OTOF: variants seen among roughly 807,000 people sequenced by gnomAD.
OTOF encodes fer-1-like family member 2.
Under a neutral mutation model 236.8 loss-of-function variants are expected in OTOF, and 218 were observed. The ratio of observed to expected loss-of-function variants is 0.92; its 90% CI spans 0.82 to 1.03. OTOF has a LOEUF of 1.03. Ranked by LOEUF, OTOF falls within the 50% of genes least tolerant of loss-of-function variation. OTOF has a pLI of 0.00. For missense variants in OTOF, 2,590 were observed against 2,694.4 expected (o/e 0.96, Z 0.86); for synonymous variants, 1,041 against 1,072.5 (o/e 0.97, Z 0.57).
At chr2:26,502,263 G>C (rs774225578) in intron 7 of OTOF, 37 bp downstream of exon 7, 2 of 1,611,874 alleles carry the variant, frequency 1.2e-6, no homozygotes. Context: ...CTGACAGGGT[G>C]GGGGCAGCTG....
intron 8 of OTOF, 145 bp from the exon 9 acceptor site, chr2:26,495,218 G>A (rs1273243589): frequency 5.6e-6 from 4 of 715,280 alleles, no homozygotes; most frequent in African/African-American, 1.8e-5. Context: ...TCTGACCACT[G>A]CCTCTCATCT....
intron 11 of OTOF, among the ~76,000 whole-genome samples, chr2:26,487,381 A>T (rs1665726118): frequency 6.6e-6 from 1 of 152,034 alleles, no homozygotes; most frequent in South Asian, 2.1e-4. Flanking sequence ...GATTCAGCAG[A>T]AGCAGCAAAT....
At chr2:26,554,962 A>T (rs1276105427) in intron 1 of OTOF, among the ~76,000 whole-genome samples, 2 of 152,180 alleles carry the variant, frequency 1.3e-5, no homozygotes, top group African/African-American at 4.8e-5. Flanking sequence ...AAGAGAAGGG[A>T]GACATCAGGG....
chr2:26,484,055 A>T (rs1325516877), intron 12 of OTOF, among the ~76,000 whole-genome samples: 2 of 152,200 alleles, frequency 1.3e-5, no homozygotes, highest in Non-Finnish European at 2.9e-5. Context: ...CTCACAAAAG[A>T]CAGGATTCAT....
chr2:26,547,137 T>G (rs1468817334), intron 1 of OTOF, among the ~76,000 whole-genome samples: 1 of 152,220 alleles, frequency 6.6e-6, no homozygotes, highest in African/African-American at 2.4e-5. Context: ...TTTATCAGAT[T>G]GAGGAAGCTC....
At position 26,546,447 on chromosome 2, in the gene OTOF, G is replaced by C. The variant is rs140414608; in HGVS notation, c.80-8673C>G. 7.7e-3 allele frequency among the ~76,000 whole-genome samples: 1,144 copies of C among 148,224 alleles called. 13 individuals are homozygous for C. Among genetic ancestry groups the C allele is most frequent in the African/African-American group, 0.027 (1,091 of 40,118 alleles). Reference sequence around the variant, plus strand: ...TTGCACTCCAGCCTGGGCAACAAGAGTGAAACTCTGTCTCAAAAAGAAAAA... The same window carrying C: ...TTGCACTCCAGCCTGGGCAACAAGACTGAAACTCTGTCTCAAAAAGAAAAA... On this transcript the variant is annotated intron_variant, in intron 1 of 46. Coordinates refer to ENST00000272371, the MANE Select transcript of OTOF (RefSeq NM_194248.3).
In OTOF at chr2:26,503,756, G is replaced by A; in HGVS notation, c.583+16C>T. ...CGAGGCGCGGGGCTGCGGGGCTCAC[G>A]CGGCACCTGTCCTACCTGGTCTTTG... On this transcript the variant is annotated intron_variant, in intron 6 of 46. Transcript: ENST00000272371. The A allele has an allele frequency of 1.2e-6, 2 of 1,610,800 alleles. No homozygotes were observed. Among genetic ancestry groups the A allele is most frequent in the Non-Finnish European group, 1.7e-6 (2 of 1,177,112 alleles).
intron 5 of OTOF, among the ~76,000 whole-genome samples, chr2:26,510,166 G>A (rs1173506560): frequency 6.6e-6 from 1 of 152,080 alleles, no homozygotes; most frequent in African/African-American, 2.4e-5. Context: ...AGCCTTTTGG[G>A]GAGATGAAGA....
chr2:26,539,990 G>A (rs899955573), intron 1 of OTOF, among the ~76,000 whole-genome samples: 2 of 152,144 alleles, frequency 1.3e-5, no homozygotes, highest in African/African-American at 4.8e-5. Flanking sequence ...CTGGAGTGCA[G>A]TAGTGTAATC....
chr2:26,484,904 T>G (rs1040266971), intron 11 of OTOF, among the ~76,000 whole-genome samples: 2 of 152,092 alleles, frequency 1.3e-5, no homozygotes, highest in African/African-American at 4.8e-5. Flanking sequence ...CTAATTGGGT[T>G]TTTCTGCCTG....
chr2:26,472,552 G>C lies in OTOF; in HGVS notation c.3831C>G (p.Ile1277Met), dbSNP rs1665040011. 2.5e-6 allele frequency: 4 copies of C among 1,613,572 alleles called. No individual in the cohort carries two copies. Among genetic ancestry groups the C allele is most frequent in the Non-Finnish European group, 3.4e-6 (4 of 1,180,032 alleles). Residue 1277 changes from isoleucine to methionine, a missense_variant, in exon 30 of 47, where the codon ATC becomes ATG. This residue lies in a region of OTOF where 1,211 missense variants were observed against 1,352.8 expected (regional missense o/e 0.90). Coordinates refer to ENST00000272371, the MANE Select transcript of OTOF (RefSeq NM_194248.3). ...VVVTMEPEVP[I>M]KKLETMVKLD... The stretch of plus-strand genomic sequence containing the variant: ...GCTTCACCATGGTCTCCAGTTTCTT[G>C]ATGGGTACCTCTGGCTCCATAGTCA...
chr2:26,521,561 C>G (rs546838188), intron 3 of OTOF, among the ~76,000 whole-genome samples: 1 of 152,350 alleles, frequency 6.6e-6, no homozygotes, highest in African/African-American at 2.4e-5. Flanking sequence ...TTTTAAGTCC[C>G]TGCTAGATAC....
At chr2:26,524,764 A>G (rs183319461) in intron 3 of OTOF, among the ~76,000 whole-genome samples, 40 of 152,334 alleles carry the variant, frequency 2.6e-4, no homozygotes, top group African/African-American at 7.0e-4. Flanking sequence ...GATTAGGAAG[A>G]GAAGTTAACA....
At chr2:26,543,751 C>G (rs147166928) in intron 1 of OTOF, among the ~76,000 whole-genome samples, 1,557 of 152,356 alleles carry the variant, frequency 0.01, 10 homozygotes, top group Admixed American at 0.022. Context: ...GAGTCTTGAT[C>G]TGTCACCCAG....
intron 1 of OTOF, among the ~76,000 whole-genome samples, chr2:26,544,882 A>AC (rs370676665): frequency 3.8e-5 from 4 of 104,766 alleles, no homozygotes; most frequent in African/African-American, 1.9e-4. Context: ...CTAAAAATAC[A>AC]AAAAAAAAAT....
chr2:26,531,239 T>C (rs1367029530), intron 2 of OTOF, among the ~76,000 whole-genome samples: 1 of 152,226 alleles, frequency 6.6e-6, no homozygotes, highest in African/African-American at 2.4e-5. Context: ...GCTTCTTTTT[T>C]GTTCTTCTGA....
intron 5 of OTOF, among the ~76,000 whole-genome samples, chr2:26,505,817 T>C (rs867748759): frequency 1.3e-5 from 2 of 152,206 alleles, no homozygotes; most frequent in Admixed American, 6.5e-5. Context: ...TAGGTACAGG[T>C]ATGGTCTGTG....
chr2:26,517,642 T>G (rs933731624), intron 4 of OTOF, among the ~76,000 whole-genome samples: 9 of 152,184 alleles, frequency 5.9e-5, no homozygotes, highest in Admixed American at 5.9e-4. Context: ...TATGTTGTTA[T>G]GGGAAAATGG....
In OTOF at chr2:26,465,989, C is replaced by G; in HGVS notation, c.4588G>C (p.Glu1530Gln). ...TTGAGCTGCTTGGAGATGTAGTTCT[C>G]CTTGTCGCGGATGTCAGTCTTGCCT... ...RLGKTDIRDKENYISKQLNPV... is the reference protein window; with the variant it reads ...RLGKTDIRDKQNYISKQLNPV... The change falls in exon 37 of 47, where the codon GAG (glutamate) becomes CAG (glutamine). Residue 1530 changes from glutamate (E) to glutamine (Q), a missense_variant. Physicochemically the swap from Glu to Gln is conservative, Grantham distance 29. This residue lies in a region of OTOF where 1,211 missense variants were observed against 1,352.8 expected (regional missense o/e 0.90). Transcript: ENST00000272371. The G allele has an allele frequency of 6.2e-7, 1 of 1,614,234 alleles. No homozygotes were observed. The highest frequency in any genetic ancestry group is 2.2e-5 in the East Asian group (1 of 44,890).
Sources: gnomAD v4.1 joint callset for allele counts (sites outside exome capture counted in the v4.1 genomes callset) on GRCh38, gnomAD v4.1.1 for gene constraint, gnomAD v4.1.1 regional missense constraint, MANE v1.5 for transcripts, NCBI Gene and HGNC (gene_info 2026-07-23, HGNC 2026-07-21) for gene names.